Variants in STK3 observed in about 807,000 individuals in gnomAD.
STK3 encodes serine/threonine-protein kinase 3.
STK3 carries 41 observed loss-of-function variants against 58.0 expected under a neutral mutation model. That is an observed-to-expected ratio of 0.71 (90% CI 0.55 to 0.92). The LOEUF (loss-of-function observed/expected upper bound fraction) is 0.92, where lower values mean the gene tolerates loss of function less well. Ranked by LOEUF, STK3 falls within the 40% of genes least tolerant of loss-of-function variation. STK3 has a pLI of 0.00. For synonymous variants in STK3, 170 were observed against 191.0 expected (o/e 0.89, Z 0.91); for missense variants, 479 against 602.7 (o/e 0.79, Z 2.15).
rs1265272510 is a variant in STK3 at position 98,617,169 on chromosome 8, C to T, written c.685-21000G>A. Among the ~76,000 whole-genome samples the T allele has an allele frequency of 3.3e-5, 5 of 151,732 alleles. No individual in the cohort carries two copies. The East Asian group carries it at 5.8e-4, about 18-fold the overall frequency. On this transcript the variant is annotated intron_variant, in intron 6 of 10. Coordinates refer to ENST00000419617, the MANE Select transcript of STK3 (RefSeq NM_006281.4). Reference sequence around the variant, plus strand: ...CAAGATTAAGAATCTCACTCAAAGCCGCTCAACTACATGGAAACTGAACAA... The same window carrying T: ...CAAGATTAAGAATCTCACTCAAAGCTGCTCAACTACATGGAAACTGAACAA...
At chr8:98,512,220 T>A (rs1415643269) in intron 10 of STK3, among the ~76,000 whole-genome samples, 1 of 152,006 alleles carries the variant, frequency 6.6e-6, no homozygotes, top group Non-Finnish European at 1.5e-5. Context: ...GAACATTGCA[T>A]AATGTTTTAA....
intron 10 of STK3, among the ~76,000 whole-genome samples, chr8:98,491,276 TA>T (rs986013207): frequency 1.4e-4 from 22 of 152,250 alleles, no homozygotes; most frequent in Middle Eastern, 3.4e-3. Context: ...TGGTAGTATT[TA>T]AAAAAATGTT....
intron 6 of STK3, among the ~76,000 whole-genome samples, chr8:98,669,633 C>T (rs1430885773): frequency 6.6e-6 from 1 of 152,148 alleles, no homozygotes; most frequent in Admixed American, 6.5e-5. Flanking sequence ...GTGCTTCATA[C>T]AGATCGTCAA....
At chr8:98,884,172 C>T (rs1476154636) in intron 1 of STK3, among the ~76,000 whole-genome samples, 8 of 151,900 alleles carry the variant, frequency 5.3e-5, no homozygotes, top group Non-Finnish European at 2.9e-5. Flanking sequence ...AGTTTTGTGC[C>T]CATAGGATTC....
At chr8:98,461,891 CT>C (rs2131170005) in intron 10 of STK3, among the ~76,000 whole-genome samples, 1 of 152,200 alleles carries the variant, frequency 6.6e-6, no homozygotes, top group Non-Finnish European at 1.5e-5. Flanking sequence ...TTACATAACG[CT>C]TTTGTCTCAC....
rs540531338 is a variant in STK3, at chr8:98,457,469, C to A, written c.1318-1469G>T. On this transcript the variant is annotated intron_variant, in intron 10 of 10. Transcript: ENST00000419617. Reference sequence around the variant, plus strand: ...ACTTCTGTGTTCTTCAACATCATCTCTATTTCAGCCCATGTTAATCTTTCC... The same window carrying A: ...ACTTCTGTGTTCTTCAACATCATCTATATTTCAGCCCATGTTAATCTTTCC... 1.2e-4 allele frequency among the ~76,000 whole-genome samples: 19 copies of A among 152,306 alleles called. No individual in the cohort carries two copies. The South Asian group carries it at 3.7e-3, about 30-fold the overall frequency.
chr8:98,650,055 A>G (rs1383387846), intron 6 of STK3, among the ~76,000 whole-genome samples: 1 of 152,212 alleles, frequency 6.6e-6, no homozygotes, highest in Non-Finnish European at 1.5e-5. Flanking sequence ...GAGAAAGGCT[A>G]CCAATTTCTG....
At chr8:98,498,902 T>C (rs1290191750) in intron 10 of STK3, among the ~76,000 whole-genome samples, 1 of 152,200 alleles carries the variant, frequency 6.6e-6, no homozygotes. Context: ...TGAGATACCA[T>C]GTCCTAATCC....
At chr8:98,557,922 G>C (rs1811725285) in intron 8 of STK3, among the ~76,000 whole-genome samples, 1 of 152,052 alleles carries the variant, frequency 6.6e-6, no homozygotes, top group African/African-American at 2.4e-5. Context: ...TGGTGAAAAG[G>C]CATGTGGGCA....
intron 1 of STK3, among the ~76,000 whole-genome samples, chr8:98,885,543 G>A (rs1474338812): frequency 2.0e-5 from 3 of 152,142 alleles, no homozygotes; most frequent in African/African-American, 4.8e-5. Context: ...AGGTTCAAGC[G>A]ATTCTCCCGC....
intron 6 of STK3, among the ~76,000 whole-genome samples, chr8:98,651,249 T>C (rs986660606): frequency 6.6e-6 from 1 of 152,158 alleles, no homozygotes; most frequent in African/African-American, 2.4e-5. Context: ...AGTGGACCTC[T>C]AGCAAACTCC....
intron 5 of STK3, 56 bp from the exon 6 acceptor site, chr8:98,706,690 T>C: frequency 6.9e-7 from 1 of 1,440,230 alleles, no homozygotes; most frequent in South Asian, 1.6e-5. Flanking sequence ...AGGAAATCTG[T>C]ATGCCAAACA....
At chr8:98,644,023 TAATAAC>T (rs1181781386) in intron 6 of STK3, among the ~76,000 whole-genome samples, 1 of 152,016 alleles carries the variant, frequency 6.6e-6, no homozygotes, top group Non-Finnish European at 1.5e-5. Context: ...TCAACAATAA[TAATAAC>T]AACCACAATA....
chr8:98,835,885 A>T (rs1835727707), intron 3 of STK3, among the ~76,000 whole-genome samples: 1 of 152,178 alleles, frequency 6.6e-6, no homozygotes. Context: ...ATAACAAAAC[A>T]TCATAAACTG....
At chr8:98,756,973 C>T (rs1490561434) in intron 3 of STK3, among the ~76,000 whole-genome samples, 1 of 152,184 alleles carries the variant, frequency 6.6e-6, no homozygotes, top group Non-Finnish European at 1.5e-5. Flanking sequence ...CCTATCTCAC[C>T]TGTCCCTTCC....
chr8:98,644,273 A>G (rs1218933582), intron 6 of STK3, among the ~76,000 whole-genome samples: 6 of 152,200 alleles, frequency 3.9e-5, no homozygotes, highest in Non-Finnish European at 8.8e-5. Context: ...GTTTGACTTT[A>G]AAAGTCAAAG....
chr8:98,899,338 C>T (rs546753015), intron 1 of STK3, among the ~76,000 whole-genome samples: 25 of 152,216 alleles, frequency 1.6e-4, no homozygotes, highest in South Asian at 2.1e-4. Flanking sequence ...ATTCATCAAG[C>T]ACAGTAGGCC....
chr8:98,795,079 CAAAAAA>C (rs35865316), intron 1 of STK3, among the ~76,000 whole-genome samples: 7 of 13,378 alleles, frequency 5.2e-4, no homozygotes, highest in Admixed American at 1.4e-3. Flanking sequence ...AACTCCGTCG[CAAAAAA>C]AAAAAAAAAA....
chr8:98,926,197 G>C (rs1268182534), intron 1 of STK3, among the ~76,000 whole-genome samples: 3 of 152,146 alleles, frequency 2.0e-5, no homozygotes, highest in Non-Finnish European at 4.4e-5. Context: ...CGCTGATAAG[G>C]GTTGGGGGGA....
Sources: allele counts gnomAD v4.1 joint callset (sites outside exome capture counted in the v4.1 genomes callset), GRCh38; gene constraint gnomAD v4.1.1; transcripts MANE v1.5; gene names NCBI Gene and HGNC (gene_info 2026-07-23, HGNC 2026-07-21).